Variants in VEGFD observed in about 807,000 individuals in gnomAD.
VEGFD encodes vascular endothelial growth factor D, also known as c-fos induced growth factor (vascular endothelial growth factor D).
Under a neutral mutation model 28.0 loss-of-function variants are expected in VEGFD, and 26 were observed. The observed-to-expected ratio is 0.93, with a 90% CI of 0.68 to 1.29. VEGFD has a LOEUF of 1.29. Ranked by LOEUF, VEGFD falls within the 50% of genes most tolerant of loss-of-function variation. The pLI, the probability that VEGFD is intolerant of heterozygous loss-of-function variation, is 0.00. For synonymous variants in VEGFD, 93 were observed against 95.5 expected (o/e 0.97, Z 0.15); for missense variants, 294 against 273.4 (o/e 1.08, Z -0.53).
chrX:15,379,984 T>C (rs1455144200), intron 1 of VEGFD, among the ~76,000 whole-genome samples: 1 of 112,527 alleles, frequency 8.9e-6, no homozygotes, highest in Non-Finnish European at 1.9e-5. Flanking sequence ...TAATACGCTA[T>C]AGTGATATAA....
In VEGFD at chrX:15,384,108, A is replaced by G. The variant is rs1923656545; in HGVS notation, c.-162T>C. ...ATCAAAATCCAATGAAATTATTTCA[A>G]TTAGGCAAGGTACGCTTTTTTTGCA... On this transcript the variant is annotated 5_prime_UTR_variant, in exon 1 of 7. Coordinates refer to ENST00000297904, the MANE Select transcript of VEGFD (RefSeq NM_004469.5). The G allele has an allele frequency of 4.7e-6, 2 of 421,302 alleles. No homozygotes were observed. The highest frequency in any genetic ancestry group is 4.1e-5 in the Admixed American group (1 of 24,168). 34.7% of individuals were successfully genotyped at this position (421,302 alleles called of 1,213,427 possible).
chrX:15,347,943 C>G (rs188252484), intron 5 of VEGFD, among the ~76,000 whole-genome samples: 1 of 112,308 alleles, frequency 8.9e-6, no homozygotes, highest in East Asian at 2.8e-4. Flanking sequence ...TTTTGACATA[C>G]TCATCTGACA....
chrX:15,383,212 T>C (rs1204608768), intron 1 of VEGFD, among the ~76,000 whole-genome samples: 1 of 112,189 alleles, frequency 8.9e-6, no homozygotes, highest in Non-Finnish European at 1.9e-5. Context: ...GGGCTAAGTA[T>C]TGTTCCAGCA....
intron 1 of VEGFD, among the ~76,000 whole-genome samples, chrX:15,372,291 T>C (rs748680857): frequency 9.0e-4 from 101 of 111,980 alleles, no homozygotes; most frequent in Non-Finnish European, 1.6e-3. Context: ...AGGTTTTTCA[T>C]GAACCCATTG....
intron 1 of VEGFD, among the ~76,000 whole-genome samples, chrX:15,376,789 A>C (rs1216392537): frequency 9.0e-6 from 1 of 111,591 alleles, no homozygotes; most frequent in Non-Finnish European, 1.9e-5. Context: ...TCACTTTTTC[A>C]TTCCACTCTG....
chrX:15,368,031 G>GAAAGA (rs753106829), intron 1 of VEGFD, among the ~76,000 whole-genome samples: 86 of 26,846 alleles, frequency 3.2e-3, no homozygotes, highest in Non-Finnish European at 4.3e-3. Context: ...AGAAAGAAAG[G>GAAAGA]AAAGAAGAAA....
At chrX:15,352,944 A>T in intron 5 of VEGFD, 124 bp downstream of exon 5, 1 of 301,168 alleles carries the variant, frequency 3.3e-6, no homozygotes, top group Non-Finnish European at 6.0e-6. Context: ...TGTGAGAATT[A>T]AATGAGTTAA....
At chrX:15,346,877 G>C (rs1381117014) in intron 6 of VEGFD, among the ~76,000 whole-genome samples, 2 of 110,575 alleles carry the variant, frequency 1.8e-5, no homozygotes, top group African/African-American at 6.6e-5. Context: ...GTTGCAGTGA[G>C]CCCAGATCAC....
At chrX:15,376,047 T>A (rs1208559899) in intron 1 of VEGFD, among the ~76,000 whole-genome samples, 1 of 111,413 alleles carries the variant, frequency 9.0e-6, no homozygotes, top group Non-Finnish European at 1.9e-5. Flanking sequence ...CCAAGGGGTT[T>A]CTGAGGTCTG....
At chrX:15,353,674 A>T (rs1203415102) in intron 4 of VEGFD, among the ~76,000 whole-genome samples, 1 of 110,130 alleles carries the variant, frequency 9.1e-6, no homozygotes, top group Non-Finnish European at 1.9e-5. Context: ...TGGGAGGCGG[A>T]GGTTGCAGTG....
chrX:15,346,215 C>T lies in VEGFD; in HGVS notation c.983G>A (p.Gly328Asp), dbSNP rs1382719526. 1.7e-6 allele frequency: 2 copies of T among 1,208,988 alleles called. No individual in the cohort carries two copies. Among genetic ancestry groups the T allele is most frequent in the African/African-American group, 3.5e-5 (2 of 57,241 alleles). The change falls in exon 7 of 7, where the codon GGC (glycine) becomes GAC (aspartate). Residue 328 changes from glycine to aspartate, a missense_variant. Physicochemically the swap from Gly to Asp is moderately conservative, Grantham distance 94. Coordinates refer to ENST00000297904, the MANE Select transcript of VEGFD (RefSeq NM_004469.5). ...CPFHTRPCAS[G>D]KTACAKHCRF... Reference sequence around the variant, plus strand: ...GCAATGCTTTGCACATGCTGTTTTGCCACTTGCACATGGTCTGGTATGAAA... The same window carrying T: ...GCAATGCTTTGCACATGCTGTTTTGTCACTTGCACATGGTCTGGTATGAAA...
intron 1 of VEGFD, among the ~76,000 whole-genome samples, chrX:15,372,966 T>C (rs7877192): frequency 0.05 from 5,551 of 111,480 alleles, 136 homozygotes; most frequent in South Asian, 0.11. Flanking sequence ...TCAGGCTAAA[T>C]AGCATGATGA....
chrX:15,351,424 G>A (rs1283838612), intron 5 of VEGFD, among the ~76,000 whole-genome samples: 3 of 109,648 alleles, frequency 2.7e-5, no homozygotes, highest in Admixed American at 1.9e-4. Flanking sequence ...CGGCCGGCCC[G>A]GCTGGTTTTC....
chrX:15,352,507 C>T, intron 5 of VEGFD, among the ~76,000 whole-genome samples: 1 of 111,669 alleles, frequency 9.0e-6, no homozygotes, highest in South Asian at 3.7e-4. Flanking sequence ...TTGCTTTGCC[C>T]TAATTCCAGA....
chrX:15,368,083 A>AAAG (rs1569186730), intron 1 of VEGFD, among the ~76,000 whole-genome samples: 33 of 99,358 alleles, frequency 3.3e-4, no homozygotes, highest in Middle Eastern at 5.2e-3. Context: ...AGAAAGAAAG[A>AAAG]AAAGAAAGAA....
In VEGFD at chrX:15,353,714, G is replaced by A. The variant is rs975859441; in HGVS notation, c.642-546C>T. ...GAGATCTCGCCATTGCACTCCAGCC[G>A]GGGCAACAAGAGCGAAACTCCGTCT... On this transcript the variant is annotated intron_variant, in intron 4 of 6. Coordinates refer to ENST00000297904, the MANE Select transcript of VEGFD (RefSeq NM_004469.5). Among the ~76,000 whole-genome samples the A allele has an allele frequency of 3.7e-5, 4 of 108,568 alleles. No individual in the cohort carries two copies. The East Asian group carries it at 1.2e-3, about 32-fold the overall frequency. The allele number at this position is 108,568 out of a possible 115,157, so 94.3% of individuals were successfully genotyped here.
chrX:15,371,827 C>T (rs879200864), intron 1 of VEGFD, among the ~76,000 whole-genome samples: 3 of 112,018 alleles, frequency 2.7e-5, no homozygotes, highest in African/African-American at 6.5e-5. Flanking sequence ...TTTCTTTCAA[C>T]GTTAAAAAGA....
intron 2 of VEGFD, among the ~76,000 whole-genome samples, chrX:15,358,791 T>C (rs184369411): frequency 2.7e-4 from 30 of 112,324 alleles, no homozygotes; most frequent in African/African-American, 8.1e-4. Flanking sequence ...CTGTTCTTAT[T>C]ACTGGAATGA....
rs753466052 is a variant in VEGFD, at chrX:15,353,736, G to A, written c.642-568C>T. ...GCCGGGGCAACAAGAGCGAAACTCC[G>A]TCTCAAAAAAAAAAAAGATTTTAAA... is the stretch of plus-strand genomic sequence containing the variant. On this transcript the variant is annotated intron_variant, in intron 4 of 6. Transcript: ENST00000297904. 5.8e-4 allele frequency among the ~76,000 whole-genome samples: 60 copies of A among 103,460 alleles called. No homozygotes were observed. In the South Asian group the frequency reaches 7.2e-3, roughly 12 times the overall value. The allele number at this position is 103,460 out of a possible 115,157, so 89.8% of individuals were successfully genotyped here. A position where few individuals can be genotyped will look rare whatever the true frequency, so the allele number is the denominator to read the frequency against.
Sources: gnomAD v4.1 joint callset for allele counts (sites outside exome capture counted in the v4.1 genomes callset) on GRCh38, gnomAD v4.1.1 for gene constraint, MANE v1.5 for transcripts, NCBI Gene and HGNC (gene_info 2026-07-23, HGNC 2026-07-21) for gene names.